The following DIP2B variants were observed in gnomAD, a reference collection of about 807,000 sequenced individuals.
The protein encoded by DIP2B is disco-interacting protein 2 homolog B.
Under a neutral mutation model 198.0 loss-of-function variants are expected in DIP2B, and 76 were observed. That is an observed-to-expected ratio of 0.38 (90% CI 0.32 to 0.46). The LOEUF is 0.46. DIP2B is among the 20% of genes least tolerant of loss of function. The pLI is 0.99. For synonymous variants in DIP2B, 701 were observed against 739.1 expected (o/e 0.95, Z 0.84); for missense variants, 1,559 against 1,978.4 (o/e 0.79, Z 4.02).
intron 26 of DIP2B, among the ~76,000 whole-genome samples, chr12:50,722,253 G>GTTTAT (rs147287033): frequency 0.06 from 8,634 of 143,026 alleles, 352 homozygotes; most frequent in African/African-American, 0.11. Context: ...TTGTTTGTTT[G>GTTTAT]TTTATTTTAT....
intron 1 of DIP2B, among the ~76,000 whole-genome samples, chr12:50,513,465 C>T (rs1485917653): frequency 6.6e-6 from 1 of 152,192 alleles, no homozygotes; most frequent in Non-Finnish European, 1.5e-5. Context: ...CATCTACAAG[C>T]TATGAAAAGG....
chr12:50,613,952 A>C (rs1353436627), intron 1 of DIP2B, among the ~76,000 whole-genome samples: 1 of 152,186 alleles, frequency 6.6e-6, no homozygotes, highest in Non-Finnish European at 1.5e-5. Flanking sequence ...GTATCTTTCT[A>C]ATAGCTGTCT....
chr12:50,738,642 G>A (rs377565367), intron 35 of DIP2B, among the ~76,000 whole-genome samples: 2 of 151,984 alleles, frequency 1.3e-5, no homozygotes, highest in South Asian at 2.1e-4. Context: ...ACACCACCAC[G>A]CCTGGCTAAT....
At chr12:50,736,735 A>G (rs1395340964) in intron 34 of DIP2B, among the ~76,000 whole-genome samples, 2 of 152,140 alleles carry the variant, frequency 1.3e-5, no homozygotes, top group Non-Finnish European at 2.9e-5. Context: ...TACAAATTCT[A>G]CTGTTAAGGT....
At position 50,708,571 on chromosome 12, in the gene DIP2B, A is replaced by G. The variant is rs1368607612; in HGVS notation, c.2649+9A>G. On this transcript the variant is annotated intron_variant, in intron 22 of 37. Transcript: ENST00000301180. ...TGAGCCGCGTGCTGCAGGTGAGCACACTTTGGGGTCTGTGTCAGGTCAGCG... is the reference window on the plus strand; with the variant it reads ...TGAGCCGCGTGCTGCAGGTGAGCACGCTTTGGGGTCTGTGTCAGGTCAGCG... The G allele has an allele frequency of 1.3e-6, 2 of 1,576,462 alleles. No individual in the cohort carries two copies. Among genetic ancestry groups the G allele is most frequent in the African/African-American group, 1.3e-5 (1 of 74,364 alleles).
chr12:50,570,182 C>T (rs947805666), intron 1 of DIP2B, among the ~76,000 whole-genome samples: 1 of 152,088 alleles, frequency 6.6e-6, no homozygotes, highest in Non-Finnish European at 1.5e-5. Flanking sequence ...TTTAGATATC[C>T]GATTTAAAAT....
intron 1 of DIP2B, among the ~76,000 whole-genome samples, chr12:50,616,313 A>G (rs767206899): frequency 7.9e-5 from 12 of 152,226 alleles, no homozygotes; most frequent in Non-Finnish European, 1.6e-4. Context: ...TTTCCTTGAA[A>G]AACCGTTTGT....
rs1025381442 is a variant in DIP2B at position 50,731,598 on chromosome 12, G to A, written c.3810+61G>A. ...AGGTTCTGAAGAAATGCGCCAGGACGTAACAGGGCCAGAGCAGGGGCTAAC... is the reference window on the plus strand; with the variant it reads ...AGGTTCTGAAGAAATGCGCCAGGACATAACAGGGCCAGAGCAGGGGCTAAC... On this transcript the variant is annotated intron_variant, in intron 31 of 37. Coordinates refer to ENST00000301180, the MANE Select transcript of DIP2B (RefSeq NM_173602.3). The A allele has an allele frequency of 1.2e-5, 18 of 1,545,990 alleles. No homozygotes were observed. The East Asian group carries it at 2.0e-4, about 17-fold the overall frequency.
intron 1 of DIP2B, among the ~76,000 whole-genome samples, chr12:50,600,200 G>C (rs1958922980): frequency 6.6e-6 from 1 of 152,162 alleles, no homozygotes; most frequent in Non-Finnish European, 1.5e-5. Context: ...AGTCTTTATA[G>C]ATAAAATCAG....
Position 50,678,788 on chromosome 12 carries a change from C to G in DIP2B, c.1026C>G (p.Ala342=). The change falls in exon 8 of 38, where the codon GCC becomes GCG. Residue 342 remains alanine (A), a synonymous_variant. Transcript: ENST00000301180. ...ACTGGCCTCCTGCTCTTGAATCTGC[C>G]CTGCAGCGCTGGGGTACCACTCAAG... is the stretch of plus-strand genomic sequence containing the variant. ...ICNWPPALES[A]LQRWGTTQAK... is the part of the protein sequence containing the mutation. The G allele has an allele frequency of 6.2e-7, 1 of 1,614,176 alleles. No homozygotes were observed. Among genetic ancestry groups the G allele is most frequent in the Non-Finnish European group, 8.5e-7 (1 of 1,180,034 alleles).
chr12:50,619,419 TA>T (rs1937762314), intron 1 of DIP2B, among the ~76,000 whole-genome samples: 1 of 152,186 alleles, frequency 6.6e-6, no homozygotes, highest in Non-Finnish European at 1.5e-5. Context: ...GTTAGGAATT[TA>T]TATCACCTTT....
intron 1 of DIP2B, among the ~76,000 whole-genome samples, chr12:50,589,948 G>C (rs996658171): frequency 2.0e-5 from 3 of 152,108 alleles, no homozygotes; most frequent in Non-Finnish European, 4.4e-5. Context: ...TTTAACTGGT[G>C]AAAGTAAGGG....
intron 18 of DIP2B, 98 bp downstream of exon 18, chr12:50,698,565 A>C (rs1939359901): frequency 6.3e-6 from 9 of 1,424,262 alleles, no homozygotes; most frequent in Non-Finnish European, 7.6e-6. Flanking sequence ...GGAACCCTTA[A>C]TTCAGTACTT....
chr12:50,583,929 G>A (rs1349357492), intron 1 of DIP2B, among the ~76,000 whole-genome samples: 3 of 152,090 alleles, frequency 2.0e-5, no homozygotes, highest in Non-Finnish European at 4.4e-5. Context: ...CTGCTTCACT[G>A]AAACCATCCT....
At chr12:50,615,837 C>T (rs1328642226) in intron 1 of DIP2B, among the ~76,000 whole-genome samples, 2 of 152,294 alleles carry the variant, frequency 1.3e-5, no homozygotes, top group African/African-American at 2.4e-5. Context: ...ACTCAGCGTT[C>T]GAACCCAGAT....
intron 34 of DIP2B, among the ~76,000 whole-genome samples, chr12:50,735,454 TG>T (rs1940120366): frequency 8.3e-6 from 1 of 120,738 alleles, no homozygotes; most frequent in African/African-American, 2.6e-5. Context: ...TGGTTTTTTT[TG>T]TTTTTTTGTT....
intron 1 of DIP2B, among the ~76,000 whole-genome samples, chr12:50,516,791 A>G (rs1474722524): frequency 6.6e-6 from 1 of 151,976 alleles, no homozygotes; most frequent in Non-Finnish European, 1.5e-5. Context: ...CCTGGCCAAC[A>G]TGGCGAAACC....
Position 50,593,714 on chromosome 12 carries a change from T to TCC in DIP2B, c.101-32261_101-32260dup, listed in dbSNP as rs1565837016. Among the ~76,000 whole-genome samples, 10 of 3,594 alleles carry TCC rather than the reference T, an allele frequency of 2.8e-3. No homozygotes were observed. In the East Asian group the frequency reaches 0.11, roughly 39 times the overall value. 2.4% of individuals were successfully genotyped at this position (3,594 alleles called of 152,430 possible). A position where few individuals can be genotyped will look rare whatever the true frequency, so the allele number is the denominator to read the frequency against. ...TTTTCTCCTCTCCTCTCCCCTCCTC[T>TCC]CCTCTCCTCTCCTCTCCTCTCCTCT... is the stretch of plus-strand genomic sequence containing the variant. On this transcript the variant is annotated intron_variant, in intron 1 of 37. Transcript: ENST00000301180.
At chr12:50,663,066 G>A (rs907567466) in intron 4 of DIP2B, among the ~76,000 whole-genome samples, 3 of 152,084 alleles carry the variant, frequency 2.0e-5, no homozygotes, top group Admixed American at 6.6e-5. Context: ...CCGAGATCGC[G>A]CCATTCAGTC....
Sources: gnomAD v4.1 joint callset for allele counts (sites outside exome capture counted in the v4.1 genomes callset) on GRCh38, gnomAD v4.1.1 for gene constraint, MANE v1.5 for transcripts, NCBI Gene and HGNC (gene_info 2026-07-23, HGNC 2026-07-21) for gene names.